MRPL3: variants seen among roughly 807,000 people sequenced by gnomAD.
The protein encoded by MRPL3 is mitochondrial ribosomal protein L3.
In MRPL3, 43 loss-of-function variants were observed where a neutral mutation model predicts 44.3. The ratio of observed to expected loss-of-function variants is 0.97; its 90% CI spans 0.76 to 1.25. The LOEUF is 1.25. Among genes scored for constraint, MRPL3 ranks in the 50% most tolerant of loss-of-function variants. The probability of loss-of-function intolerance (pLI) is 0.00; values close to 1 mark genes in which losing one functional copy is unlikely to be tolerated. For synonymous variants in MRPL3, 171 were observed against 152.3 expected (o/e 1.12, Z -0.91); for missense variants, 406 against 427.6 (o/e 0.95, Z 0.45).
chr3:131,466,730 T>A (rs562152733), intron 9 of MRPL3, among the ~76,000 whole-genome samples: 1 of 151,956 alleles, frequency 6.6e-6, no homozygotes, highest in African/African-American at 2.4e-5. Flanking sequence ...AATTGACACA[T>A]AATTGTACAT....
chr3:131,496,595 A>C (rs528026638), intron 4 of MRPL3, among the ~76,000 whole-genome samples: 38 of 152,040 alleles, frequency 2.5e-4, no homozygotes, highest in Non-Finnish European at 5.4e-4. Context: ...CCTTGTTCCT[A>C]TCCCAGAGTA....
Position 131,469,533 on chromosome 3 carries a change from TACACAC to T in MRPL3, c.816+157_816+162del, listed in dbSNP as rs3830301. Among the ~76,000 whole-genome samples, 20 of 146,996 alleles carry T rather than the reference TACACAC, an allele frequency of 1.4e-4. No individual in the cohort carries two copies. In the South Asian group the frequency reaches 2.2e-3, roughly 16 times the overall value. On this transcript the variant is annotated intron_variant, in intron 8 of 9. Transcript: ENST00000264995. ...TACCACCATTACTACAACTAGAGTG[TACACAC>T]ACACACACACACACACACAATTCAT...
At chr3:131,493,015 T>C (rs1428674642) in intron 4 of MRPL3, among the ~76,000 whole-genome samples, 5 of 152,124 alleles carry the variant, frequency 3.3e-5, no homozygotes, top group African/African-American at 1.2e-4. Context: ...ATGTGAAGAG[T>C]GCCTCTTTCA....
chr3:131,500,157 T>C (rs1357596536), intron 3 of MRPL3, among the ~76,000 whole-genome samples: 1 of 152,080 alleles, frequency 6.6e-6, no homozygotes, highest in East Asian at 1.9e-4. Context: ...AATTATGAAG[T>C]AAACAAGGGG....
chr3:131,498,711 A>G, intron 3 of MRPL3, among the ~76,000 whole-genome samples: 1 of 151,516 alleles, frequency 6.6e-6, no homozygotes, highest in African/African-American at 2.4e-5. Context: ...CAAAAAAAAA[A>G]AAAAAAAAAA....
At chr3:131,500,781 T>C (rs1480345716) in intron 2 of MRPL3, among the ~76,000 whole-genome samples, 1 of 152,208 alleles carries the variant, frequency 6.6e-6, no homozygotes, top group Non-Finnish European at 1.5e-5. Flanking sequence ...ACAGATAAGT[T>C]AGGTATATTC....
intron 6 of MRPL3, among the ~76,000 whole-genome samples, chr3:131,475,867 G>A (rs1246070077): frequency 6.6e-6 from 1 of 152,168 alleles, no homozygotes; most frequent in Non-Finnish European, 1.5e-5. Context: ...AATACCTAAA[G>A]AGTAATTTGA....
Position 131,489,990 on chromosome 3 carries a change from T to C in MRPL3, c.559A>G (p.Ile187Val), listed in dbSNP as rs774008664. ...CCCAACCTCAAATTACCTGGTTTAA[T>C]TGCAGCATTATCTGTTATATTAAAG... is the stretch of plus-strand genomic sequence containing the variant. ...KIFNITDNAA[I>V]KPGTPLYAAH... Residue 187 changes from isoleucine (I) to valine (V), a missense_variant, in exon 5 of 10, where the codon ATT (isoleucine) becomes GTT (valine). Coordinates refer to ENST00000264995, the MANE Select transcript of MRPL3 (RefSeq NM_007208.4). 22 of 1,603,620 alleles carry C rather than the reference T, an allele frequency of 1.4e-5. No homozygotes were observed. Among genetic ancestry groups the C allele is most frequent in the East Asian group, 2.2e-5 (1 of 44,802 alleles).
At chr3:131,465,004 A>G (rs1933570112) in intron 9 of MRPL3, among the ~76,000 whole-genome samples, 1 of 152,246 alleles carries the variant, frequency 6.6e-6, no homozygotes, top group African/African-American at 2.4e-5. Context: ...ACACAAACCT[A>G]TAAAATGTTC....
At chr3:131,500,580 T>C (rs1055112251) in intron 2 of MRPL3, 59 bp from the exon 3 acceptor site, 1 of 1,418,032 alleles carries the variant, frequency 7.1e-7, no homozygotes, top group African/African-American at 1.4e-5. Flanking sequence ...ACCAACATTA[T>C]GAAATCGTTT....
At chr3:131,479,669 C>A (rs1188097360) in intron 6 of MRPL3, among the ~76,000 whole-genome samples, 1 of 152,058 alleles carries the variant, frequency 6.6e-6, no homozygotes, top group Admixed American at 6.5e-5. Flanking sequence ...CACGGTGAAA[C>A]CCCGTCTCTA....
At chr3:131,476,181 A>G (rs1476736033) in intron 6 of MRPL3, among the ~76,000 whole-genome samples, 1 of 152,234 alleles carries the variant, frequency 6.6e-6, no homozygotes, top group Non-Finnish European at 1.5e-5. Flanking sequence ...TTGCTTTTCA[A>G]TCTAGCTCTA....
In MRPL3 at chr3:131,490,067, A is replaced by G. The variant is rs749051029; in HGVS notation, c.482T>C (p.Ile161Thr). 6.2e-7 allele frequency: 1 copy of G among 1,607,198 alleles called. No homozygotes were observed. The highest frequency in any genetic ancestry group is 8.5e-7 in the Non-Finnish European group (1 of 1,174,014). The stretch of plus-strand genomic sequence containing the variant: ...TCCAAGTTCCCGGTAAAATTCCAAT[A>G]TGGATGTAGCTTTCTAGAGGAAAAG... ...TVSRFRKATS[I>T]LEFYRELGLP... The change falls in exon 5 of 10, where the codon ATA becomes ACA. Residue 161 changes from isoleucine (I) to threonine (T), a missense_variant. Coordinates refer to ENST00000264995, the MANE Select transcript of MRPL3 (RefSeq NM_007208.4).
At chr3:131,493,809 T>C (rs2035572) in intron 4 of MRPL3, among the ~76,000 whole-genome samples, 21,350 of 152,034 alleles carry the variant, frequency 0.14, 1,638 homozygotes, top group Middle Eastern at 0.2. Flanking sequence ...CCAATAGTAA[T>C]TGTAATTTTC....
chr3:131,492,347 T>C (rs1204546296), intron 4 of MRPL3, among the ~76,000 whole-genome samples: 3 of 152,160 alleles, frequency 2.0e-5, no homozygotes, highest in Admixed American at 6.5e-5. Flanking sequence ...TTTTTTACTG[T>C]TTCTATGTCA....
intron 6 of MRPL3, among the ~76,000 whole-genome samples, chr3:131,473,223 A>T (rs1933778911): frequency 6.6e-6 from 1 of 152,120 alleles, no homozygotes; most frequent in Non-Finnish European, 1.5e-5. Context: ...GACACACAGA[A>T]CAACGGAACA....
Position 131,462,555 on chromosome 3 carries a change from T to C in MRPL3, c.*168A>G, listed in dbSNP as rs1933512507. 1 of 525,030 alleles carries C rather than the reference T, an allele frequency of 1.9e-6. No individual in the cohort carries two copies. Among genetic ancestry groups the C allele is most frequent in the Non-Finnish European group, 3.0e-6 (1 of 332,842 alleles). 32.5% of individuals were successfully genotyped at this position (525,030 alleles called of 1,614,324 possible). A position where few individuals can be genotyped will look rare whatever the true frequency, so the allele number is the denominator to read the frequency against. ...CATATATTTAATGTGGTAATTTTTC[T>C]AACAAAATTTAATGGGGGTATGAAT... On this transcript the variant is annotated 3_prime_UTR_variant, in exon 10 of 10. Coordinates refer to ENST00000264995, the MANE Select transcript of MRPL3 (RefSeq NM_007208.4).
In MRPL3 at chr3:131,463,884, C is replaced by T. The variant is rs530032908; in HGVS notation, c.895-1009G>A. Among the ~76,000 whole-genome samples, 21 of 152,048 alleles carry T rather than the reference C, an allele frequency of 1.4e-4. No individual in the cohort carries two copies. In the East Asian group the frequency reaches 3.7e-3, roughly 27 times the overall value. On this transcript the variant is annotated intron_variant, in intron 9 of 9. Transcript: ENST00000264995. The stretch of plus-strand genomic sequence containing the variant: ...AAAAAATTACATGTAATTATATACA[C>T]GAGTAAAATGAGGCATAATTACTTT...
At chr3:131,464,626 A>G (rs1043444929) in intron 9 of MRPL3, among the ~76,000 whole-genome samples, 14 of 152,174 alleles carry the variant, frequency 9.2e-5, no homozygotes, top group Non-Finnish European at 1.9e-4. Flanking sequence ...CACAGGAATG[A>G]ACACGAATGA....
Sources: allele counts gnomAD v4.1 joint callset (sites outside exome capture counted in the v4.1 genomes callset), GRCh38; gene constraint gnomAD v4.1.1; transcripts MANE v1.5; gene names NCBI Gene and HGNC (gene_info 2026-07-23, HGNC 2026-07-21).